ME3: variants seen among roughly 807,000 people sequenced by gnomAD.
ME3 encodes NADP-dependent malic enzyme, mitochondrial.
ME3 carries 48 observed loss-of-function variants against 68.9 expected under a neutral mutation model. The ratio of observed to expected loss-of-function variants is 0.70; its 90% CI spans 0.55 to 0.89. The LOEUF (loss-of-function observed/expected upper bound fraction) is 0.89. Among genes scored for constraint, ME3 ranks in the 40% least tolerant of loss-of-function variants. The pLI is 0.00. For synonymous variants in ME3, 320 were observed against 318.8 expected, an observed-to-expected ratio of 1.00 and a Z score of -0.04; for missense variants, 675 against 797.4, an observed-to-expected ratio of 0.85 and a Z score of 1.85.
intron 2 of ME3, among the ~76,000 whole-genome samples, chr11:86,648,807 C>G (rs930548433): frequency 6.6e-6 from 1 of 152,150 alleles, no homozygotes; most frequent in Admixed American, 6.5e-5. Context: ...ATAACAAGTT[C>G]TGAAATTGAG....
chr11:86,671,613 C>G (rs1279855582), intron 2 of ME3, 149 bp downstream of exon 2: 1 of 936,078 alleles, frequency 1.1e-6, no homozygotes, highest in Non-Finnish European at 1.6e-6. Flanking sequence ...GAAAGCCAAA[C>G]CAAGTCACAA....
At chr11:86,583,000 G>A (rs1958529803) in intron 2 of ME3, among the ~76,000 whole-genome samples, 2 of 152,064 alleles carry the variant, frequency 1.3e-5, no homozygotes, top group Non-Finnish European at 2.9e-5. Flanking sequence ...CAAGATCAGA[G>A]GCTGGCTTTT....
At chr11:86,650,454 A>C (rs1316692166) in intron 2 of ME3, among the ~76,000 whole-genome samples, 1 of 152,228 alleles carries the variant, frequency 6.6e-6, no homozygotes, top group East Asian at 1.9e-4. Context: ...CAAAATTGAC[A>C]AATGGGATCT....
At chr11:86,480,424 A>T (rs763457028) in intron 7 of ME3, among the ~76,000 whole-genome samples, 1 of 152,214 alleles carries the variant, frequency 6.6e-6, no homozygotes, top group Admixed American at 6.5e-5. Flanking sequence ...GGAAGGTGAT[A>T]TGATTTTGTG....
chr11:86,443,090 C>T (rs1179635648), intron 13 of ME3, among the ~76,000 whole-genome samples, 171 bp from the exon 14 acceptor site: 1 of 152,194 alleles, frequency 6.6e-6, no homozygotes, highest in Admixed American at 6.5e-5. Context: ...TAAGAGAGGA[C>T]ACATCCTTTC....
At chr11:86,542,298 G>T (rs1386486982) in intron 4 of ME3, among the ~76,000 whole-genome samples, 1 of 152,186 alleles carries the variant, frequency 6.6e-6, no homozygotes, top group African/African-American at 2.4e-5. Context: ...ACTGGACAGA[G>T]CATGACTTTG....
rs889117145 is a variant in ME3 at position 86,561,681 on chromosome 11, T to C, written c.184-1858A>G. ...ATTGCTTAATTTCAGTATACACATA[T>C]AGCAGTTTCAAAATGGTTAACCTGT... On this transcript the variant is annotated intron_variant, in intron 2 of 14. Transcript: ENST00000543262. Among the ~76,000 whole-genome samples, 4 of 152,370 alleles carry C rather than the reference T, an allele frequency of 2.6e-5. No homozygotes were observed. The South Asian group carries it at 8.3e-4, about 32-fold the overall frequency.
intron 2 of ME3, among the ~76,000 whole-genome samples, chr11:86,560,673 TATAG>T (rs1447053804): frequency 4.0e-5 from 6 of 150,798 alleles, no homozygotes; most frequent in Admixed American, 1.3e-4. Context: ...TCTAACTGTA[TATAG>T]ATAGATAAAT....
chr11:86,571,672 C>T (rs1957802727), intron 2 of ME3, among the ~76,000 whole-genome samples: 1 of 152,266 alleles, frequency 6.6e-6, no homozygotes, highest in African/African-American at 2.4e-5. Flanking sequence ...TAATGGAAAG[C>T]ATGGGAACTG....
chr11:86,656,781 A>AC (rs1167437067), intron 2 of ME3, among the ~76,000 whole-genome samples: 6 of 151,932 alleles, frequency 3.9e-5, no homozygotes, highest in Non-Finnish European at 1.5e-5. Context: ...AAAGCAAATA[A>AC]CCCCATCAAA....
chr11:86,632,558 T>C (rs1160719032), intron 2 of ME3, among the ~76,000 whole-genome samples: 1 of 152,180 alleles, frequency 6.6e-6, no homozygotes, highest in Non-Finnish European at 1.5e-5. Context: ...CCCTCAGACA[T>C]TAGTCTCTAT....
chr11:86,481,674 A>T (rs1159079801), intron 7 of ME3, among the ~76,000 whole-genome samples: 1 of 152,226 alleles, frequency 6.6e-6, no homozygotes, highest in East Asian at 1.9e-4. Flanking sequence ...ACTAAAATAG[A>T]GGCCTACTTT....
At chr11:86,467,712 C>CAA in intron 7 of ME3, among the ~76,000 whole-genome samples, 1 of 150,858 alleles carries the variant, frequency 6.6e-6, no homozygotes, top group Non-Finnish European at 1.5e-5. Context: ...CACACACACA[C>CAA]CCCTTTAAGC....
At chr11:86,579,840 C>G (rs1958334514) in intron 2 of ME3, among the ~76,000 whole-genome samples, 1 of 152,120 alleles carries the variant, frequency 6.6e-6, no homozygotes, top group South Asian at 2.1e-4. Flanking sequence ...TCAATGGATT[C>G]CAAGTTAGAA....
chr11:86,584,594 A>G (rs1945137), intron 2 of ME3, among the ~76,000 whole-genome samples: 74,144 of 152,076 alleles, frequency 0.49, 19,692 homozygotes, highest in East Asian at 0.7. Context: ...TATACATAAA[A>G]TGGAATATTA....
At chr11:86,605,839 A>G (rs1347431728) in intron 2 of ME3, among the ~76,000 whole-genome samples, 1 of 151,846 alleles carries the variant, frequency 6.6e-6, no homozygotes, top group Non-Finnish European at 1.5e-5. Context: ...CTCATTCCAA[A>G]CACCAGTTTT....
At chr11:86,612,059 T>A (rs762301460) in intron 2 of ME3, among the ~76,000 whole-genome samples, 3 of 152,016 alleles carry the variant, frequency 2.0e-5, no homozygotes, top group Non-Finnish European at 4.4e-5. Flanking sequence ...TAAGTTACCT[T>A]CCCTTGCCCC....
At chr11:86,645,613 G>A (rs997889650) in intron 2 of ME3, among the ~76,000 whole-genome samples, 3 of 152,214 alleles carry the variant, frequency 2.0e-5, no homozygotes, top group Admixed American at 1.3e-4. Context: ...AAGGGTGGCT[G>A]TGGGTGCAGC....
chr11:86,605,163 G>T (rs1460280184), intron 2 of ME3, among the ~76,000 whole-genome samples: 2 of 152,168 alleles, frequency 1.3e-5, no homozygotes, highest in Admixed American at 6.5e-5. Flanking sequence ...CATCCATGTT[G>T]TATCATGTAT....
Sources: allele counts gnomAD v4.1 joint callset (sites outside exome capture counted in the v4.1 genomes callset), GRCh38; gene constraint gnomAD v4.1.1; transcripts MANE v1.5; gene names NCBI Gene and HGNC (gene_info 2026-07-23, HGNC 2026-07-21).